DLG1: variants seen among roughly 807,000 people sequenced by gnomAD.
DLG1 encodes discs large MAGUK scaffold protein 1.
A neutral mutation model predicts 123.4 loss-of-function variants in DLG1; 42 were observed. The observed-to-expected ratio is 0.34, with a 90% confidence interval of 0.27 to 0.44. The LOEUF (loss-of-function observed/expected upper bound fraction) is 0.44. Ranked by LOEUF, DLG1 falls within the 20% of genes least tolerant of loss-of-function variation. The probability of loss-of-function intolerance (pLI) is 1.00; values close to 1 mark genes in which losing one functional copy is unlikely to be tolerated. For missense variants in DLG1, 942 were observed against 1,082.6 expected, an observed-to-expected ratio of 0.87 and a Z score of 1.82; for synonymous variants, 317 against 356.2, an observed-to-expected ratio of 0.89 and a Z score of 1.24.
chr3:197,179,727 A>C (rs1809099393), intron 5 of DLG1, among the ~76,000 whole-genome samples: 1 of 152,170 alleles, frequency 6.6e-6, no homozygotes, highest in Non-Finnish European at 1.5e-5. Context: ...TGACACTGAT[A>C]CTGTTATTCT....
intron 24 of DLG1, among the ~76,000 whole-genome samples, chr3:197,046,715 C>A (rs796331489): frequency 2.0e-4 from 31 of 152,032 alleles, no homozygotes; most frequent in African/African-American, 7.5e-4. Flanking sequence ...ACAAAAAATA[C>A]AAAAATTAGC....
chr3:197,290,202 GA>G (rs1774148425), intron 3 of DLG1, among the ~76,000 whole-genome samples: 1 of 152,060 alleles, frequency 6.6e-6, no homozygotes, highest in African/African-American at 2.4e-5. Context: ...AAAGACACGG[GA>G]AAAAAAGAAG....
Position 197,136,535 on chromosome 3 carries a change from T to C in DLG1, c.1020+7A>G. 1 of 1,602,738 alleles carries C rather than the reference T, an allele frequency of 6.2e-7. No individual in the cohort carries two copies. The highest frequency in any genetic ancestry group is 2.2e-5 in the East Asian group (1 of 44,748). On this transcript the variant is annotated splice_region_variant and intron_variant, in intron 10 of 24. Transcript: ENST00000667157. Reference sequence around the variant, plus strand: ...GATTTAAAAGACAATAGATTTCTTATACTTACTGCTAAAAGTTTATCTCCA... The same window carrying C: ...GATTTAAAAGACAATAGATTTCTTACACTTACTGCTAAAAGTTTATCTCCA...
At chr3:197,107,593 C>T (rs1186000604) in intron 13 of DLG1, among the ~76,000 whole-genome samples, 6 of 151,864 alleles carry the variant, frequency 4.0e-5, no homozygotes, top group Middle Eastern at 3.4e-3. Context: ...GGATATACCA[C>T]TTTTGTTGAT....
rs188782807 is a variant in DLG1, at chr3:197,099,777, A to G, written c.1546+5126T>C. Among the ~76,000 whole-genome samples the G allele has an allele frequency of 2.6e-4, 40 of 152,362 alleles. 1 individual carries two copies. In the East Asian group the frequency reaches 7.7e-3, roughly 29 times the overall value. ...GTAATAAAATACATTAAACACAGATATTAAACCCAAGAGAAACAATTCTCA... is the reference window on the plus strand; with the variant it reads ...GTAATAAAATACATTAAACACAGATGTTAAACCCAAGAGAAACAATTCTCA... On this transcript the variant is annotated intron_variant, in intron 14 of 24. Transcript: ENST00000667157.
intron 4 of DLG1, among the ~76,000 whole-genome samples, chr3:197,207,964 G>A (rs575019933): frequency 2.8e-5 from 4 of 144,296 alleles, no homozygotes; most frequent in Non-Finnish European, 4.7e-5. Context: ...AAGTCAAAAC[G>A]TTAAAAAATA....
chr3:197,189,912 G>GT (rs377452582), intron 5 of DLG1, among the ~76,000 whole-genome samples: 21 of 152,332 alleles, frequency 1.4e-4, no homozygotes, highest in African/African-American at 4.6e-4. Context: ...TGTGGAAAAG[G>GT]TAAGTCTTAG....
chr3:197,212,391 T>G (rs1419853870), intron 4 of DLG1, among the ~76,000 whole-genome samples: 3 of 152,162 alleles, frequency 2.0e-5, no homozygotes, highest in African/African-American at 4.8e-5. Context: ...CCAGTAAAGA[T>G]TAAGTAAAAC....
intron 11 of DLG1, 93 bp from the exon 12 acceptor site, chr3:197,119,623 T>C (rs2149434629): frequency 1.7e-6 from 2 of 1,165,374 alleles, no homozygotes; most frequent in East Asian, 7.0e-5. Flanking sequence ...TTATATGCAC[T>C]CCTTTATATA....
intron 4 of DLG1, chr3:197,260,586 G>C (rs1233189269): frequency 6.5e-6 from 1 of 154,238 alleles, no homozygotes; most frequent in African/African-American, 2.4e-5. Flanking sequence ...TATTCCACAA[G>C]AGTCCACTGC....
intron 23 of DLG1, among the ~76,000 whole-genome samples, chr3:197,053,579 C>A (rs1729456166): frequency 6.6e-6 from 1 of 151,682 alleles, no homozygotes; most frequent in Non-Finnish European, 1.5e-5. Flanking sequence ...CGGGACCAGC[C>A]TGGCCAACAT....
chr3:197,042,845 CATG>C lies in DLG1; in HGVS notation c.*1775_*1777del, dbSNP rs1721008734. ...GGCTCTTGGATTCGGTTATAAGTTA[CATG>C]ATGCCTCAAATTGTTTCAAGAAAAT... On this transcript the variant is annotated 3_prime_UTR_variant, in exon 25 of 25. Coordinates refer to ENST00000667157, the MANE Select transcript of DLG1 (RefSeq NM_001366207.1). The C allele has an allele frequency of 6.6e-6, 1 of 152,170 alleles. No individual in the cohort carries two copies. The highest frequency in any genetic ancestry group is 6.5e-5 in the Admixed American group (1 of 15,274). 9.4% of individuals were successfully genotyped at this position (152,170 alleles called of 1,614,324 possible).
intron 13 of DLG1, among the ~76,000 whole-genome samples, chr3:197,107,519 T>C (rs2149332342): frequency 6.6e-6 from 1 of 151,748 alleles, no homozygotes; most frequent in East Asian, 1.9e-4. Flanking sequence ...CACTCCAGCC[T>C]GGGCGACAGA....
At chr3:197,200,218 A>G (rs2150317321) in intron 4 of DLG1, among the ~76,000 whole-genome samples, 1 of 152,328 alleles carries the variant, frequency 6.6e-6, no homozygotes, top group East Asian at 1.9e-4. Flanking sequence ...AGTATTTAAT[A>G]AAATATTTAG....
At chr3:197,190,611 G>A (rs950637677) in intron 5 of DLG1, among the ~76,000 whole-genome samples, 1 of 152,170 alleles carries the variant, frequency 6.6e-6, no homozygotes, top group African/African-American at 2.4e-5. Flanking sequence ...AGAAACACCT[G>A]GAGAACTTGT....
At chr3:197,160,787 A>G (rs1236196778) in intron 5 of DLG1, among the ~76,000 whole-genome samples, 1 of 152,140 alleles carries the variant, frequency 6.6e-6, no homozygotes, top group Non-Finnish European at 1.5e-5. Flanking sequence ...CTTATTTTGA[A>G]ACTGTTTACA....
chr3:197,203,152 A>C lies in DLG1; in HGVS notation c.319-8563T>G, dbSNP rs376172797. On this transcript the variant is annotated intron_variant, in intron 4 of 24. Transcript: ENST00000667157. ...GTGATGTGTGCCTACAGTTTCAGCT[A>C]CTGGGGAGGCCGAGGGTAGGAGAAC... Among the ~76,000 whole-genome samples the C allele has an allele frequency of 7.9e-5, 12 of 152,244 alleles. No homozygotes were observed. The East Asian group carries it at 1.5e-3, about 20-fold the overall frequency.
intron 4 of DLG1, among the ~76,000 whole-genome samples, chr3:197,252,667 T>C (rs1362871383): frequency 6.6e-6 from 1 of 152,176 alleles, no homozygotes; most frequent in Non-Finnish European, 1.5e-5. Context: ...AGATGGATAG[T>C]GGTAACGGCT....
At chr3:197,159,225 AT>A (rs1449769592) in intron 5 of DLG1, among the ~76,000 whole-genome samples, 1 of 152,268 alleles carries the variant, frequency 6.6e-6, no homozygotes, top group Non-Finnish European at 1.5e-5. Flanking sequence ...GCCACTCTGT[AT>A]AATAAGCATA....
Sources: gnomAD v4.1 joint callset for allele counts (sites outside exome capture counted in the v4.1 genomes callset) on GRCh38, gnomAD v4.1.1 for gene constraint, MANE v1.5 for transcripts, NCBI Gene and HGNC (gene_info 2026-07-23, HGNC 2026-07-21) for gene names.